Variants in CCDC171 observed in about 807,000 individuals in gnomAD.
CCDC171 encodes coiled-coil domain containing 171.
CCDC171 carries 177 observed loss-of-function variants against 168.2 expected under a neutral mutation model. That is an observed-to-expected ratio of 1.05 (90% CI 0.93 to 1.19). CCDC171 has a LOEUF of 1.19. Among genes scored for constraint, CCDC171 ranks in the 50% most tolerant of loss-of-function variants. CCDC171 has a pLI of 0.00. For missense variants in CCDC171, 1,991 were observed against 1,539.0 expected, an observed-to-expected ratio of 1.29 and a Z score of -4.91; for synonymous variants, 687 against 540.8, an observed-to-expected ratio of 1.27 and a Z score of -3.75.
At chr9:15,775,437 G>C (rs1357655346) in intron 18 of CCDC171, among the ~76,000 whole-genome samples, 1 of 152,148 alleles carries the variant, frequency 6.6e-6, no homozygotes, top group African/African-American at 2.4e-5. Context: ...TCCTGCCTCA[G>C]CCTCCTGAGT....
At chr9:15,654,227 C>G (rs1162010503) in intron 7 of CCDC171, among the ~76,000 whole-genome samples, 1 of 150,500 alleles carries the variant, frequency 6.6e-6, no homozygotes. Flanking sequence ...AAACTATTTT[C>G]TAGTATAATA....
chr9:15,651,562 T>A (rs1290560401), intron 7 of CCDC171, among the ~76,000 whole-genome samples: 1 of 152,102 alleles, frequency 6.6e-6, no homozygotes, highest in East Asian at 1.9e-4. Context: ...CAGCCGAGAT[T>A]AACTTTTTTA....
intron 7 of CCDC171, among the ~76,000 whole-genome samples, chr9:15,640,406 C>A (rs4740621): frequency 4.6e-5 from 7 of 151,790 alleles, no homozygotes; most frequent in Non-Finnish European, 8.8e-5. Flanking sequence ...AAAAACACCA[C>A]CTTCAAATTA....
intron 24 of CCDC171, among the ~76,000 whole-genome samples, chr9:15,892,219 C>G (rs1820309226): frequency 6.6e-6 from 1 of 152,076 alleles, no homozygotes; most frequent in African/African-American, 2.4e-5. Flanking sequence ...ATTGCCTTAG[C>G]CAGAACTTCC....
At chr9:15,685,285 A>T (rs530002801) in intron 10 of CCDC171, among the ~76,000 whole-genome samples, 2 of 152,264 alleles carry the variant, frequency 1.3e-5, no homozygotes, top group East Asian at 1.9e-4. Flanking sequence ...AATTCCTTGT[A>T]TATTAAAAGG....
At chr9:15,592,821 T>C (rs1054672312) in intron 5 of CCDC171, among the ~76,000 whole-genome samples, 1 of 152,100 alleles carries the variant, frequency 6.6e-6, no homozygotes, top group Non-Finnish European at 1.5e-5. Context: ...ATTAGCTACT[T>C]AGGAGAATTG....
intron 24 of CCDC171, chr9:15,875,438 A>C (rs571346446): frequency 1.3e-5 from 2 of 151,960 alleles, no homozygotes; most frequent in African/African-American, 2.4e-5. Flanking sequence ...AATGAAATTC[A>C]GTGTGTCCTT....
intron 19 of CCDC171, among the ~76,000 whole-genome samples, chr9:15,778,309 G>T (rs1261633413): frequency 1.7e-5 from 1 of 57,768 alleles, no homozygotes; most frequent in African/African-American, 8.4e-5. Context: ...GCGAGACTCC[G>T]TCTCAAAAAA....
intron 6 of CCDC171, among the ~76,000 whole-genome samples, chr9:15,602,274 T>G (rs1216773606): frequency 1.3e-5 from 2 of 152,192 alleles, no homozygotes; most frequent in Admixed American, 1.3e-4. Context: ...TGAAATTTTC[T>G]TCTCTGTTGG....
At chr9:15,668,469 A>C (rs1021550975) in intron 9 of CCDC171, among the ~76,000 whole-genome samples, 4 of 152,224 alleles carry the variant, frequency 2.6e-5, no homozygotes, top group Non-Finnish European at 5.9e-5. Flanking sequence ...TATTCCAACT[A>C]GGCACTAGCT....
At chr9:15,699,945 A>C (rs1458696667) in intron 11 of CCDC171, among the ~76,000 whole-genome samples, 2 of 152,200 alleles carry the variant, frequency 1.3e-5, no homozygotes, top group South Asian at 2.1e-4. Flanking sequence ...AAGATTCTCC[A>C]CGTCCCCACC....
At chr9:15,995,393 G>GT (rs2132928988) in intron 3 of CCDC171, among the ~76,000 whole-genome samples, 1 of 152,326 alleles carries the variant, frequency 6.6e-6, no homozygotes, top group Admixed American at 6.5e-5. Flanking sequence ...GGTGATCCAT[G>GT]TATTTTTGTT....
chr9:15,612,630 T>C (rs1163434235), intron 6 of CCDC171, among the ~76,000 whole-genome samples: 1 of 152,200 alleles, frequency 6.6e-6, no homozygotes, highest in African/African-American at 2.4e-5. Context: ...GTGCCCCTGT[T>C]CTTGAGTTTT....
chr9:15,857,800 G>C (rs751893474), intron 23 of CCDC171, among the ~76,000 whole-genome samples: 1 of 151,822 alleles, frequency 6.6e-6, no homozygotes, highest in Non-Finnish European at 1.5e-5. Context: ...TCCCCATTGT[G>C]TCTTCTTTGC....
At chr9:16,084,163 G>C in the CCDC171 span, among the ~76,000 whole-genome samples, 5 of 152,152 alleles carry the variant, frequency 3.3e-5, no homozygotes, top group Non-Finnish European at 7.3e-5. Context: ...AGTAAAAGCT[G>C]CTTCTTTAAA....
At chr9:15,695,194 T>C (rs762872401) in intron 10 of CCDC171, 41 bp from the exon 11 acceptor site, 15 of 1,328,614 alleles carry the variant, frequency 1.1e-5, no homozygotes, top group South Asian at 1.2e-5. Context: ...GCAGCTCTTA[T>C]AATACGTGAC....
intron 24 of CCDC171, chr9:15,874,990 T>C (rs1488423895): frequency 6.0e-6 from 1 of 166,546 alleles, no homozygotes; most frequent in East Asian, 1.6e-4. Flanking sequence ...TTTAAGCAAG[T>C]CTCAATTTGT....
At chr9:15,706,244 G>C (rs111768059) in intron 11 of CCDC171, among the ~76,000 whole-genome samples, 3,559 of 77,060 alleles carry the variant, frequency 0.046, 61 homozygotes, top group African/African-American at 0.063. Context: ...TTCCTTCCTT[G>C]CTTCCTTCCT....
intron 11 of CCDC171, among the ~76,000 whole-genome samples, chr9:15,698,545 A>G (rs1350060861): frequency 1.3e-5 from 2 of 149,972 alleles, no homozygotes; most frequent in Non-Finnish European, 3.0e-5. Context: ...AAAAAGGAAC[A>G]TAGGATATTT....
Sources: gnomAD v4.1 joint callset for allele counts (sites outside exome capture counted in the v4.1 genomes callset) on GRCh38, gnomAD v4.1.1 for gene constraint, MANE v1.5 for transcripts, NCBI Gene and HGNC (gene_info 2026-07-23, HGNC 2026-07-21) for gene names.